PDZRN3: variants seen among roughly 807,000 people sequenced by gnomAD.
PDZRN3 encodes PDZ domain containing ring finger 3.
A neutral mutation model predicts 85.7 loss-of-function variants in PDZRN3; 38 were observed. The ratio of observed to expected loss-of-function variants is 0.44; its 90% CI spans 0.34 to 0.58. PDZRN3 has a LOEUF of 0.58. Among genes scored for constraint, PDZRN3 ranks in the 20% least tolerant of loss-of-function variants. The pLI is 0.01. For synonymous variants in PDZRN3, 759 were observed against 638.0 expected (o/e 1.19, Z -2.86); for missense variants, 1,629 against 1,506.4 (o/e 1.08, Z -1.35).
chr3:73,554,715 A>C (rs1314499344), intron 3 of PDZRN3, among the ~76,000 whole-genome samples: 1 of 152,182 alleles, frequency 6.6e-6, no homozygotes, highest in East Asian at 1.9e-4. Flanking sequence ...ATCCACACTC[A>C]CTGGCAGTGA....
intron 6 of PDZRN3, among the ~76,000 whole-genome samples, chr3:73,390,164 CAT>C (rs1313656257): frequency 6.6e-6 from 1 of 152,140 alleles, no homozygotes; most frequent in East Asian, 1.9e-4. Flanking sequence ...TTGTTGCATG[CAT>C]GGTAATTAAA....
intron 3 of PDZRN3, among the ~76,000 whole-genome samples, chr3:73,463,071 A>G (rs1174469425): frequency 6.6e-6 from 1 of 152,162 alleles, no homozygotes; most frequent in African/African-American, 2.4e-5. Flanking sequence ...AAGTGTTACC[A>G]TTGCAAGTAA....
chr3:73,464,911 A>G (rs561290912), intron 3 of PDZRN3, among the ~76,000 whole-genome samples: 3 of 152,262 alleles, frequency 2.0e-5, no homozygotes, highest in Admixed American at 2.0e-4. Flanking sequence ...TTTCAAGAAT[A>G]CAATATATTG....
intron 3 of PDZRN3, among the ~76,000 whole-genome samples, chr3:73,526,877 T>C (rs1704537305): frequency 6.6e-6 from 1 of 151,976 alleles, no homozygotes; most frequent in Non-Finnish European, 1.5e-5. Flanking sequence ...AGTTGGAGTT[T>C]TGTTCTTGTC....
At chr3:73,453,576 G>A (rs1013676484) in intron 3 of PDZRN3, among the ~76,000 whole-genome samples, 2 of 151,388 alleles carry the variant, frequency 1.3e-5, no homozygotes, top group Non-Finnish European at 2.9e-5. Flanking sequence ...ATAGATATAT[G>A]AAGTATTTTC....
At chr3:73,539,247 ACCAC>A in intron 3 of PDZRN3, among the ~76,000 whole-genome samples, 1 of 152,164 alleles carries the variant, frequency 6.6e-6, no homozygotes, top group Non-Finnish European at 1.5e-5. Flanking sequence ...ATAGTTTCGA[ACCAC>A]AAAATATTGT....
At chr3:73,619,666 G>A (rs774968634) in intron 1 of PDZRN3, among the ~76,000 whole-genome samples, 5 of 152,138 alleles carry the variant, frequency 3.3e-5, no homozygotes, top group South Asian at 4.1e-4. Flanking sequence ...CACATGCATC[G>A]ACTCTCAGAG....
intron 5 of PDZRN3, among the ~76,000 whole-genome samples, chr3:73,397,177 G>T (rs140176418): frequency 1.7e-4 from 26 of 152,200 alleles, no homozygotes; most frequent in Non-Finnish European, 3.5e-4. Flanking sequence ...GGGATTACAG[G>T]TGTGAGCCAC....
At chr3:73,572,682 T>C (rs1269303964) in intron 3 of PDZRN3, among the ~76,000 whole-genome samples, 1 of 152,092 alleles carries the variant, frequency 6.6e-6, no homozygotes. Flanking sequence ...AGCAGCACTG[T>C]CCAGAGACAG....
chr3:73,611,578 T>C (rs1702686225), intron 1 of PDZRN3, among the ~76,000 whole-genome samples: 1 of 152,204 alleles, frequency 6.6e-6, no homozygotes, highest in Non-Finnish European at 1.5e-5. Flanking sequence ...TTTACAGTAG[T>C]AAAGCAACAT....
chr3:73,543,788 T>G (rs1282193853), intron 3 of PDZRN3, among the ~76,000 whole-genome samples: 1 of 152,236 alleles, frequency 6.6e-6, no homozygotes, highest in African/African-American at 2.4e-5. Flanking sequence ...TAAAACAGAC[T>G]ATTAAAACTG....
chr3:73,403,766 G>C (rs1701799570), intron 4 of PDZRN3, among the ~76,000 whole-genome samples: 1 of 152,066 alleles, frequency 6.6e-6, no homozygotes, highest in Non-Finnish European at 1.5e-5. Context: ...CAACCTCCAG[G>C]GCTCTCTTGA....
chr3:73,417,947 T>C (rs1702125241), intron 3 of PDZRN3, among the ~76,000 whole-genome samples: 1 of 152,214 alleles, frequency 6.6e-6, no homozygotes, highest in East Asian at 1.9e-4. Context: ...TGGAGACATC[T>C]ACGGTGGAAG....
At chr3:73,564,222 G>A (rs1559740437) in intron 3 of PDZRN3, among the ~76,000 whole-genome samples, 2 of 152,188 alleles carry the variant, frequency 1.3e-5, no homozygotes, top group Non-Finnish European at 2.9e-5. Flanking sequence ...GTCTTCCCAT[G>A]TGAAAAATGT....
intron 3 of PDZRN3, among the ~76,000 whole-genome samples, chr3:73,530,175 T>C (rs1384379382): frequency 6.6e-6 from 1 of 152,214 alleles, no homozygotes; most frequent in Non-Finnish European, 1.5e-5. Flanking sequence ...GTTCTGTTGA[T>C]CTGAATTCTC....
chr3:73,592,406 C>T (rs369257722), intron 3 of PDZRN3, among the ~76,000 whole-genome samples: 3 of 151,040 alleles, frequency 2.0e-5, no homozygotes, highest in African/African-American at 7.3e-5. Flanking sequence ...ACCAAACACT[C>T]TTAGGCTTTG....
rs1290816044 is a variant in PDZRN3, at chr3:73,383,381, G to A, written c.3185C>T (p.Ser1062Leu). 3.1e-6 allele frequency: 5 copies of A among 1,610,056 alleles called. No homozygotes were observed. The highest frequency in any genetic ancestry group is 2.2e-5 in the East Asian group (1 of 44,880). Residue 1062 changes from serine to leucine, a missense_variant, in exon 10 of 10, where the codon TCG (serine) becomes TTG (leucine). By Grantham distance (145) the Ser-to-Leu change is moderately radical. Coordinates refer to ENST00000263666, the MANE Select transcript of PDZRN3 (RefSeq NM_015009.3). ...AAGTGAAAATTATACAGTAGTCACC[G>A]ATAGGAAGGAATTGTATACTCTAGT... ...DGTRVYNSFL[S>L]VTTV is the part of the protein sequence containing the mutation.
intron 3 of PDZRN3, among the ~76,000 whole-genome samples, chr3:73,468,865 T>C (rs1481627914): frequency 6.6e-6 from 1 of 152,142 alleles, no homozygotes; most frequent in Non-Finnish European, 1.5e-5. Context: ...CCTCAGCTTC[T>C]GCATTTGAGA....
intron 3 of PDZRN3, among the ~76,000 whole-genome samples, chr3:73,526,207 A>T (rs1704520922): frequency 6.6e-6 from 1 of 152,206 alleles, no homozygotes; most frequent in Non-Finnish European, 1.5e-5. Context: ...TCTGGTACAT[A>T]ATAAGCCCTT....
Sources: gnomAD v4.1 joint callset for allele counts (sites outside exome capture counted in the v4.1 genomes callset) on GRCh38, gnomAD v4.1.1 for gene constraint, MANE v1.5 for transcripts, NCBI Gene and HGNC (gene_info 2026-07-23, HGNC 2026-07-21) for gene names.